Variants in EFCAB6 observed in about 807,000 individuals in gnomAD.
EFCAB6 encodes EF-hand calcium binding domain 6, also known as EF-hand calcium-binding domain-containing protein 6.
In EFCAB6, 156 loss-of-function variants were observed where a neutral mutation model predicts 169.8. The observed-to-expected ratio is 0.92, with a 90% confidence interval of 0.81 to 1.05. The LOEUF is 1.05. Among genes scored for constraint, EFCAB6 ranks in the 50% least tolerant of loss-of-function variants. The pLI, the probability that EFCAB6 is intolerant of heterozygous loss-of-function variation, is 0.00. For missense variants in EFCAB6, 1,800 were observed against 1,829.1 expected (o/e 0.98, Z 0.29); for synonymous variants, 698 against 676.4 (o/e 1.03, Z -0.50).
intron 27 of EFCAB6, among the ~76,000 whole-genome samples, chr22:43,543,655 G>T (rs111399313): frequency 2.6e-5 from 4 of 152,256 alleles, no homozygotes; most frequent in African/African-American, 9.6e-5. Flanking sequence ...CCCAATAGCC[G>T]CCAGAGACAG....
rs1302201626 is a variant in EFCAB6 at position 43,632,237 on chromosome 22, A to C, written c.2100T>G (p.Asp700Glu). The C allele has an allele frequency of 6.3e-7, 1 of 1,596,356 alleles. No individual in the cohort carries two copies. The highest frequency in any genetic ancestry group is 2.3e-5 in the East Asian group (1 of 43,866). The change falls in exon 19 of 32, where the codon GAT becomes GAG. Residue 700 changes from aspartate to glutamate, a missense_variant and splice_region_variant. Physicochemically the swap from Asp to Glu is conservative, Grantham distance 45. Coordinates refer to ENST00000262726, the MANE Select transcript of EFCAB6 (RefSeq NM_022785.4). ...SYLDFAAGFE[D>E]PPMRGPETTP... is the part of the protein sequence containing the mutation. The stretch of plus-strand genomic sequence containing the variant: ...TGGTTTCCGGCCCTCTCATTGGAGG[A>C]TCTGGAACAATTACAAAGATCGGGG...
intron 17 of EFCAB6, among the ~76,000 whole-genome samples, chr22:43,636,094 A>G (rs373850273): frequency 3.3e-5 from 5 of 152,206 alleles, no homozygotes; most frequent in East Asian, 1.9e-4. Context: ...TTCTAAATGC[A>G]TCTATGGGCC....
Position 43,636,032 on chromosome 22 carries a change from A to T in EFCAB6, c.1984-816T>A, listed in dbSNP as rs1221941522. ...CTCTGCTGATCTCAGAGTATTCACA[A>T]TCCAAATGGGAAAACATGGGTTTTC... On this transcript the variant is annotated intron_variant, in intron 17 of 31. Transcript: ENST00000262726. Among the ~76,000 whole-genome samples the T allele has an allele frequency of 1.3e-5, 2 of 152,200 alleles. 1 individual carries two copies. Among genetic ancestry groups the T allele is most frequent in the Non-Finnish European group, 2.9e-5 (2 of 68,032 alleles).
At chr22:43,585,568 C>T (rs2051009706) in intron 24 of EFCAB6, among the ~76,000 whole-genome samples, 1 of 152,000 alleles carries the variant, frequency 6.6e-6, no homozygotes. Flanking sequence ...AACAAGAGAA[C>T]AAACAAAAAC....
At chr22:43,677,148 T>A (rs956266594) in intron 13 of EFCAB6, among the ~76,000 whole-genome samples, 2 of 152,210 alleles carry the variant, frequency 1.3e-5, no homozygotes, top group African/African-American at 4.8e-5. Flanking sequence ...TAAAATTTTT[T>A]AAATGCTAAT....
intron 6 of EFCAB6, among the ~76,000 whole-genome samples, chr22:43,746,233 C>G (rs754976900): frequency 8.5e-5 from 13 of 152,184 alleles, no homozygotes; most frequent in Admixed American, 7.2e-4. Context: ...CCAAGGACTA[C>G]AAATTTCTTT....
intron 6 of EFCAB6, among the ~76,000 whole-genome samples, chr22:43,749,331 G>A (rs2060674363): frequency 6.6e-6 from 1 of 152,102 alleles, no homozygotes; most frequent in Non-Finnish European, 1.5e-5. Context: ...AGATATAAAC[G>A]TGGGCACCCT....
chr22:43,646,570 T>C (rs2056171125), intron 17 of EFCAB6, among the ~76,000 whole-genome samples: 1 of 152,152 alleles, frequency 6.6e-6, no homozygotes, highest in African/African-American at 2.4e-5. Flanking sequence ...ATAATGAGAA[T>C]GTCATAAATG....
At chr22:43,599,242 G>A (rs1280042839) in intron 23 of EFCAB6, among the ~76,000 whole-genome samples, 1 of 152,142 alleles carries the variant, frequency 6.6e-6, no homozygotes, top group Non-Finnish European at 1.5e-5. Context: ...TGTTGTCGTT[G>A]TGCTGTTATA....
intron 26 of EFCAB6, among the ~76,000 whole-genome samples, chr22:43,573,364 A>G (rs2050017521): frequency 6.6e-6 from 1 of 152,188 alleles, no homozygotes; most frequent in South Asian, 2.1e-4. Context: ...AAGACTTGCA[A>G]GAGTTCAGAA....
In EFCAB6 at chr22:43,537,658, C is replaced by T; in HGVS notation, c.3880-113G>A. The T allele has an allele frequency of 8.2e-7, 1 of 1,214,058 alleles. No individual in the cohort carries two copies. The highest frequency in any genetic ancestry group is 1.7e-5 in the South Asian group (1 of 57,654). The allele number at this position is 1,214,058 out of a possible 1,614,324, so 75.2% of individuals were successfully genotyped here. A position where few individuals can be genotyped will look rare whatever the true frequency, so the allele number is the denominator to read the frequency against. ...TTCACAATTTTAGAGGCAGAATTAG[C>T]CCAGAAATAAAATGAAGAATAAAAC... On this transcript the variant is annotated intron_variant, in intron 28 of 31. Transcript: ENST00000262726. This position sits in a 1 kb window ranked among gnomAD's most constrained non-coding sequence, Gnocchi z 4.3.
Position 43,554,954 on chromosome 22 carries a change from A to G in EFCAB6, c.3563T>C (p.Phe1188Ser), listed in dbSNP as rs1300371445. ...YHAITQEFENFDTMKTNTISR... is the reference protein window; with the variant it reads ...YHAITQEFENSDTMKTNTISR... ...GATGGTGTTCGTTTTCATGGTGTCA[A>G]AATTCTCAAACTCCTGGGTGATGGC... Residue 1188 changes from phenylalanine (F) to serine (S), a missense_variant, in exon 27 of 32, where the codon TTT (phenylalanine) becomes TCT (serine). Transcript: ENST00000262726. 1 of 1,614,134 alleles carries G rather than the reference A, an allele frequency of 6.2e-7. No homozygotes were observed. Among genetic ancestry groups the G allele is most frequent in the Non-Finnish European group, 8.5e-7 (1 of 1,180,020 alleles).
At position 43,610,181 on chromosome 22, in the gene EFCAB6, G is replaced by T. The variant is rs961068443; in HGVS notation, c.2563-1581C>A. Among the ~76,000 whole-genome samples the T allele has an allele frequency of 2.0e-4, 30 of 152,134 alleles. 1 individual carries two copies. Among genetic ancestry groups the T allele is most frequent in the African/African-American group, 2.4e-5 (1 of 41,416 alleles). On this transcript the variant is annotated intron_variant, in intron 21 of 31. Transcript: ENST00000262726. ...TTAGTAAATTTGACTACATTAAAAA[G>T]AACTTATATTTATCAAAAGACATCA...
intron 20 of EFCAB6, among the ~76,000 whole-genome samples, chr22:43,619,999 T>C (rs2054007920): frequency 6.6e-6 from 1 of 152,032 alleles, no homozygotes; most frequent in Non-Finnish European, 1.5e-5. Flanking sequence ...TCTGAAAAAC[T>C]AAAGATCAAA....
intron 22 of EFCAB6, among the ~76,000 whole-genome samples, chr22:43,608,167 G>A (rs528805426): frequency 2.6e-5 from 4 of 152,180 alleles, no homozygotes; most frequent in Non-Finnish European, 4.4e-5. Context: ...AGAGTGACTT[G>A]TTTTGTTAAA....
At chr22:43,631,139 C>T (rs2054910865) in intron 19 of EFCAB6, among the ~76,000 whole-genome samples, 1 of 151,764 alleles carries the variant, frequency 6.6e-6, no homozygotes. Context: ...AGTCTCTCGC[C>T]CGTCCCTTCC....
intron 8 of EFCAB6, among the ~76,000 whole-genome samples, chr22:43,727,015 A>C (rs1212728592): frequency 6.6e-6 from 1 of 152,278 alleles, no homozygotes; most frequent in Non-Finnish European, 1.5e-5. Flanking sequence ...TTCACATTCA[A>C]GAAGAAAGGT....
intron 2 of EFCAB6, among the ~76,000 whole-genome samples, chr22:43,802,134 T>A (rs563077458): frequency 5.3e-5 from 8 of 152,144 alleles, no homozygotes; most frequent in Non-Finnish European, 1.0e-4. Flanking sequence ...AGGTGAGATG[T>A]CCCCTGAACT....
At position 43,572,399 on chromosome 22, in the gene EFCAB6, C is replaced by CA. The variant is rs1159476911; in HGVS notation, c.3420+3897dup. ...AGGGGGGACAGCAGACATGGAGCTTCAAGCCCGGTCTTCTCCACTTGCAGG... is the reference window on the plus strand; with the variant it reads ...AGGGGGGACAGCAGACATGGAGCTTCAAAGCCCGGTCTTCTCCACTTGCAGG... On this transcript the variant is annotated intron_variant, in intron 26 of 31. Coordinates refer to ENST00000262726, the MANE Select transcript of EFCAB6 (RefSeq NM_022785.4). The surrounding 1 kb of genome is among the most constrained non-coding windows in gnomAD (Gnocchi z 4.0). Among the ~76,000 whole-genome samples the CA allele has an allele frequency of 6.6e-6, 1 of 152,206 alleles. No homozygotes were observed. Among genetic ancestry groups the CA allele is most frequent in the East Asian group, 1.9e-4 (1 of 5,190 alleles).
Sources: gnomAD v4.1 joint callset for allele counts (sites outside exome capture counted in the v4.1 genomes callset) on GRCh38, gnomAD v4.1.1 for gene constraint, Gnocchi (gnomAD v3.1) non-coding constraint, MANE v1.5 for transcripts, NCBI Gene and HGNC (gene_info 2026-07-23, HGNC 2026-07-21) for gene names.